APBB1IP: variants seen among roughly 807,000 people sequenced by gnomAD.
APBB1IP encodes amyloid beta precursor protein binding family B member 1 interacting protein.
APBB1IP carries 27 observed loss-of-function variants against 64.9 expected under a neutral mutation model. The ratio of observed to expected loss-of-function variants is 0.42; its 90% CI spans 0.31 to 0.57. APBB1IP has a LOEUF of 0.57. Among genes scored for constraint, APBB1IP ranks in the 20% least tolerant of loss-of-function variants. APBB1IP has a pLI of 0.20. For synonymous variants in APBB1IP, 392 were observed against 331.0 expected (o/e 1.18, Z -2.00); for missense variants, 812 against 845.5 (o/e 0.96, Z 0.49).
chr10:26,488,464 C>T (rs1256512368), intron 2 of APBB1IP, among the ~76,000 whole-genome samples: 1 of 152,088 alleles, frequency 6.6e-6, no homozygotes, highest in African/African-American at 2.4e-5. Flanking sequence ...AACTCCTGGC[C>T]TCAAGCAATC....
chr10:26,460,985 G>A (rs1835582747), intron 2 of APBB1IP, among the ~76,000 whole-genome samples: 1 of 152,120 alleles, frequency 6.6e-6, no homozygotes, highest in African/African-American at 2.4e-5. Flanking sequence ...TCATGTCAAT[G>A]TGTCTGCTTG....
intron 2 of APBB1IP, among the ~76,000 whole-genome samples, chr10:26,484,396 G>A (rs756843609): frequency 1.3e-5 from 2 of 152,100 alleles, no homozygotes; most frequent in Non-Finnish European, 2.9e-5. Flanking sequence ...TCCGCCTCCC[G>A]GGTTCAAGCG....
intron 2 of APBB1IP, among the ~76,000 whole-genome samples, chr10:26,449,714 C>T (rs777978070): frequency 2.0e-5 from 3 of 152,136 alleles, no homozygotes; most frequent in Non-Finnish European, 2.9e-5. Flanking sequence ...AGAACCCACT[C>T]AAAGGTGCTT....
chr10:26,505,423 T>C (rs1292515854), intron 6 of APBB1IP, among the ~76,000 whole-genome samples: 1 of 152,156 alleles, frequency 6.6e-6, no homozygotes, highest in Non-Finnish European at 1.5e-5. Flanking sequence ...CCTTGTCCTT[T>C]TCTCAAACCT....
intron 2 of APBB1IP, among the ~76,000 whole-genome samples, chr10:26,457,517 A>G (rs906721188): frequency 6.6e-6 from 1 of 152,136 alleles, no homozygotes; most frequent in Non-Finnish European, 1.5e-5. Flanking sequence ...CTCCTAACTC[A>G]GTATCTGATT....
At chr10:26,503,045 T>C (rs1444468047) in intron 5 of APBB1IP, 152 bp from the exon 6 acceptor site, 1 of 673,712 alleles carries the variant, frequency 1.5e-6, no homozygotes, top group Non-Finnish European at 2.4e-6. Flanking sequence ...TGTATGCCTT[T>C]AAAAAGTAAT....
chr10:26,497,087 T>C (rs1161797124), intron 4 of APBB1IP, among the ~76,000 whole-genome samples: 1 of 151,996 alleles, frequency 6.6e-6, no homozygotes, highest in East Asian at 1.9e-4. Flanking sequence ...CTCAGCTACT[T>C]GGGAGGCTGA....
intron 2 of APBB1IP, among the ~76,000 whole-genome samples, chr10:26,468,122 C>T (rs1835669712): frequency 6.6e-6 from 1 of 152,176 alleles, no homozygotes. Flanking sequence ...AAATGAAAAG[C>T]TGGACCCATG....
chr10:26,511,665 C>T, intron 6 of APBB1IP, 82 bp from the exon 7 acceptor site: 1 of 1,523,526 alleles, frequency 6.6e-7, no homozygotes, highest in Non-Finnish European at 9.0e-7. Flanking sequence ...TTTGCAGAAA[C>T]AATAGCAACT....
At chr10:26,564,185 A>G (rs1262657737) in intron 14 of APBB1IP, among the ~76,000 whole-genome samples, 1 of 151,966 alleles carries the variant, frequency 6.6e-6, no homozygotes, top group African/African-American at 2.4e-5. Flanking sequence ...AGAGAATGAA[A>G]TGAACTGGAA....
At chr10:26,545,739 G>T in intron 11 of APBB1IP, among the ~76,000 whole-genome samples, 1 of 148,468 alleles carries the variant, frequency 6.7e-6, no homozygotes, top group Non-Finnish European at 1.5e-5. Context: ...CAGCCTGGGC[G>T]ACAGAGCGAG....
intron 10 of APBB1IP, among the ~76,000 whole-genome samples, chr10:26,537,165 G>T (rs550051145): frequency 5.0e-5 from 7 of 140,744 alleles, no homozygotes; most frequent in African/African-American, 1.7e-4. Flanking sequence ...GGACCTTTCC[G>T]TCTTTTGTTC....
At chr10:26,459,935 T>C (rs78984330) in intron 2 of APBB1IP, among the ~76,000 whole-genome samples, 2,038 of 152,280 alleles carry the variant, frequency 0.013, 41 homozygotes, top group African/African-American at 0.046. Flanking sequence ...TTATTACCAT[T>C]GCTAAGGTCA....
chr10:26,555,971 G>A (rs992764884), intron 11 of APBB1IP, among the ~76,000 whole-genome samples: 15 of 152,174 alleles, frequency 9.9e-5, no homozygotes, highest in African/African-American at 3.1e-4. Context: ...TGAACAAACA[G>A]GACCTTGGTT....
chr10:26,567,200 G>A lies in APBB1IP; in HGVS notation c.1713G>A (p.Pro571=), dbSNP rs771161022. The part of the protein sequence containing the change: ...PPLDDPELPP[P]PPDFMEPPPD... Reference sequence around the variant, plus strand: ...TCGATGACCCTGAGCTCCCGCCGCCGCCCCCGGACTTCATGGAGCCGCCCC... The same window carrying A: ...TCGATGACCCTGAGCTCCCGCCGCCACCCCCGGACTTCATGGAGCCGCCCC... Residue 571 remains proline (P), a synonymous_variant, in exon 15 of 15, where the codon CCG becomes CCA. Transcript: ENST00000376236. 8.1e-6 allele frequency: 11 copies of A among 1,359,336 alleles called. No homozygotes were observed. The highest frequency in any genetic ancestry group is 6.1e-5 in the South Asian group (4 of 65,454). The allele number at this position is 1,359,336 out of a possible 1,614,324, so 84.2% of individuals were successfully genotyped here.
chr10:26,532,127 G>A (rs1836562519), intron 8 of APBB1IP, among the ~76,000 whole-genome samples: 1 of 152,200 alleles, frequency 6.6e-6, no homozygotes, highest in African/African-American at 2.4e-5. Flanking sequence ...CTCCTATGGT[G>A]TAAACACTTG....
rs777313172 is a variant in APBB1IP, at chr10:26,513,565, G to C, written c.718G>C (p.Val240Leu). ...IERFFEDHEN[V>L]VEVLSDWTRD... Reference sequence around the variant, plus strand: ...GAGGTTTTTTGAAGACCATGAAAATGTTGTTGAAGTCTTATCAGACTGGAC... The same window carrying C: ...GAGGTTTTTTGAAGACCATGAAAATCTTGTTGAAGTCTTATCAGACTGGAC... The change falls in exon 8 of 15, where the codon GTT becomes CTT. Residue 240 changes from valine to leucine, a missense_variant. Coordinates refer to ENST00000376236, the MANE Select transcript of APBB1IP (RefSeq NM_019043.4). 6.2e-7 allele frequency: 1 copy of C among 1,611,320 alleles called. No homozygotes were observed. The highest frequency in any genetic ancestry group is 1.3e-5 in the African/African-American group (1 of 74,776).
intron 2 of APBB1IP, among the ~76,000 whole-genome samples, chr10:26,441,297 T>C (rs1243463848): frequency 1.3e-5 from 2 of 152,218 alleles, no homozygotes; most frequent in Non-Finnish European, 2.9e-5. Context: ...ATTACACTTT[T>C]AATTATCGTG....
At chr10:26,547,418 G>A (rs1028888654) in intron 11 of APBB1IP, among the ~76,000 whole-genome samples, 2 of 151,554 alleles carry the variant, frequency 1.3e-5, no homozygotes, top group African/African-American at 4.8e-5. Flanking sequence ...TCTTTTTGTT[G>A]GTTTGTTTGT....
Sources: gnomAD v4.1 joint callset for allele counts (sites outside exome capture counted in the v4.1 genomes callset) on GRCh38, gnomAD v4.1.1 for gene constraint, MANE v1.5 for transcripts, NCBI Gene and HGNC (gene_info 2026-07-23, HGNC 2026-07-21) for gene names.